DLG2: variants seen among roughly 807,000 people sequenced by gnomAD.
DLG2 encodes discs large MAGUK scaffold protein 2.
In DLG2, 45 loss-of-function variants were observed where a neutral mutation model predicts 132.5. The ratio of observed to expected loss-of-function variants is 0.34; its 90% CI spans 0.27 to 0.44. The LOEUF is 0.44. Among genes scored for constraint, DLG2 ranks in the 20% least tolerant of loss-of-function variants. The pLI, the probability that DLG2 is intolerant of heterozygous loss-of-function variation, is 1.00. For synonymous variants in DLG2, 424 were observed against 419.6 expected (o/e 1.01, Z -0.13); for missense variants, 1,045 against 1,196.9 (o/e 0.87, Z 1.87).
intron 3 of DLG2, among the ~76,000 whole-genome samples, chr11:85,527,664 C>T (rs571065371): frequency 6.6e-6 from 1 of 152,230 alleles, no homozygotes; most frequent in South Asian, 2.1e-4. Flanking sequence ...CATACTTGTG[C>T]ATCTGTCTTT....
intron 18 of DLG2, among the ~76,000 whole-genome samples, chr11:83,692,295 T>A (rs1443713694): frequency 6.6e-6 from 1 of 152,228 alleles, no homozygotes; most frequent in Admixed American, 6.5e-5. Context: ...TTAAAATTAT[T>A]GGCAAATCAT....
chr11:84,485,633 G>A (rs1303078001), intron 7 of DLG2, among the ~76,000 whole-genome samples: 3 of 152,060 alleles, frequency 2.0e-5, no homozygotes, highest in Non-Finnish European at 2.9e-5. Context: ...TGTGTTTTTC[G>A]GTGCCATCTG....
At chr11:84,791,411 G>C (rs1374324229) in intron 6 of DLG2, among the ~76,000 whole-genome samples, 1 of 152,124 alleles carries the variant, frequency 6.6e-6, no homozygotes, top group African/African-American at 2.4e-5. Context: ...GCTCAGAATA[G>C]TTTTGGCTAT....
intron 6 of DLG2, among the ~76,000 whole-genome samples, chr11:84,969,049 CA>C (rs1170189526): frequency 7.0e-6 from 1 of 142,574 alleles, no homozygotes; most frequent in Non-Finnish European, 1.5e-5. Context: ...ATCAAAAACT[CA>C]AAGGAAACTT....
At chr11:84,506,076 G>GTTTTTTTTTTTTTTT (rs559086542) in intron 7 of DLG2, among the ~76,000 whole-genome samples, 1 of 91,416 alleles carries the variant, frequency 1.1e-5, no homozygotes, top group Non-Finnish European at 2.2e-5. Flanking sequence ...CAGAGGCTCA[G>GTTTTTTTTTTTTTTT]TTCTTTTTTT....
At chr11:83,783,094 A>T (rs2094903948) in intron 18 of DLG2, among the ~76,000 whole-genome samples, 1 of 152,234 alleles carries the variant, frequency 6.6e-6, no homozygotes, top group South Asian at 2.1e-4. Context: ...ATACATGTTA[A>T]TTTCAAAGTA....
chr11:84,420,650 CTTTTTTTTTTTTTTTTTTTTTTTTTT>C (rs768420271), intron 7 of DLG2, among the ~76,000 whole-genome samples: 25 of 42,236 alleles, frequency 5.9e-4, no homozygotes, highest in Admixed American at 3.9e-3. Context: ...TGCTTGTTTT[CTTTTTTTTTTTTTTTTTTTTTTTTTT>C]TTTTTTTTTT....
chr11:84,035,237 A>G (rs2095830260), intron 11 of DLG2, among the ~76,000 whole-genome samples: 1 of 152,122 alleles, frequency 6.6e-6, no homozygotes, highest in Non-Finnish European at 1.5e-5. Context: ...TTTCTCATGT[A>G]TCCAACACTT....
At chr11:84,489,228 T>C (rs1438499805) in intron 7 of DLG2, among the ~76,000 whole-genome samples, 1 of 152,080 alleles carries the variant, frequency 6.6e-6, no homozygotes, top group Non-Finnish European at 1.5e-5. Flanking sequence ...TTCCTTTTAT[T>C]AGGTATTATC....
chr11:83,465,249 G>A lies in DLG2; in HGVS notation c.2729+1459C>T, dbSNP rs567555441. 8.5e-5 allele frequency among the ~76,000 whole-genome samples: 13 copies of A among 152,084 alleles called. No individual in the cohort carries two copies. In the South Asian group the frequency reaches 2.1e-3, roughly 24 times the overall value. Reference sequence around the variant, plus strand: ...TATGGGACTATATTCTGCTTTCAAGGTACATCTCTGGCTATTTCCCCAGAG... The same window carrying A: ...TATGGGACTATATTCTGCTTTCAAGATACATCTCTGGCTATTTCCCCAGAG... On this transcript the variant is annotated intron_variant, in intron 26 of 27. Coordinates refer to ENST00000376104, the MANE Select transcript of DLG2 (RefSeq NM_001142699.3).
intron 4 of DLG2, among the ~76,000 whole-genome samples, chr11:85,197,937 C>G (rs148284913): frequency 3.5e-4 from 53 of 152,206 alleles, no homozygotes; most frequent in Non-Finnish European, 6.6e-4. Flanking sequence ...AAAGTTGTTA[C>G]AAGGATTAAA....
chr11:84,727,958 T>C (rs1217911932), intron 6 of DLG2, among the ~76,000 whole-genome samples: 3 of 152,212 alleles, frequency 2.0e-5, no homozygotes, highest in Non-Finnish European at 4.4e-5. Context: ...CCTGAGACTT[T>C]GCTGAGGTTG....
intron 7 of DLG2, among the ~76,000 whole-genome samples, chr11:84,259,534 C>A (rs1022601880): frequency 3.3e-5 from 5 of 152,040 alleles, no homozygotes; most frequent in African/African-American, 1.2e-4. Flanking sequence ...TATGTGAGTG[C>A]CTGAGGGCGT....
At chr11:84,083,051 G>T (rs138210174) in intron 10 of DLG2, among the ~76,000 whole-genome samples, 2 of 152,080 alleles carry the variant, frequency 1.3e-5, no homozygotes, top group Non-Finnish European at 2.9e-5. Flanking sequence ...AGGCCAAGGC[G>T]GGTAGATCAC....
chr11:85,222,191 C>T lies in DLG2; in HGVS notation c.186+63029G>A, dbSNP rs1044744483. 3.3e-5 allele frequency among the ~76,000 whole-genome samples: 5 copies of T among 152,216 alleles called. No individual in the cohort carries two copies. In the South Asian group the frequency reaches 6.2e-4, roughly 19 times the overall value. On this transcript the variant is annotated intron_variant, in intron 4 of 27. Coordinates refer to ENST00000376104, the MANE Select transcript of DLG2 (RefSeq NM_001142699.3). ...ACGTTGGCCAGGCTGGTCTCTAACT[C>T]CTGACCTCAAGTGATCCGCCTGTCT...
At chr11:85,521,204 T>G (rs2074286404) in intron 3 of DLG2, among the ~76,000 whole-genome samples, 1 of 152,078 alleles carries the variant, frequency 6.6e-6, no homozygotes, top group Admixed American at 6.6e-5. Context: ...TTGTAGGAGG[T>G]GATTAAACCA....
intron 8 of DLG2, among the ~76,000 whole-genome samples, chr11:84,185,648 C>A (rs1490891260): frequency 6.6e-6 from 1 of 152,100 alleles, no homozygotes. Context: ...CTGTCTTGTG[C>A]CAGTTTTCGA....
intron 10 of DLG2, among the ~76,000 whole-genome samples, chr11:84,063,598 C>T (rs921348031): frequency 6.6e-6 from 1 of 152,148 alleles, no homozygotes; most frequent in Non-Finnish European, 1.5e-5. Context: ...TTTGACCCAG[C>T]CATCCCATTA....
intron 21 of DLG2, among the ~76,000 whole-genome samples, chr11:83,488,522 A>G (rs959439203): frequency 6.6e-6 from 1 of 151,960 alleles, no homozygotes; most frequent in Non-Finnish European, 1.5e-5. Context: ...TTAAACACAC[A>G]TGAGTGAATC....
Sources: allele counts gnomAD v4.1 joint callset (sites outside exome capture counted in the v4.1 genomes callset), GRCh38; gene constraint gnomAD v4.1.1; transcripts MANE v1.5; gene names NCBI Gene and HGNC (gene_info 2026-07-23, HGNC 2026-07-21).